LSM14A: variants seen among roughly 807,000 people sequenced by gnomAD.
LSM14A encodes the protein protein LSM14 homolog A.
Under a neutral mutation model 52.4 loss-of-function variants are expected in LSM14A, and 14 were observed. That is an observed-to-expected ratio of 0.27 (90% confidence interval 0.18 to 0.42). LSM14A has a LOEUF of 0.42. LSM14A is among the 10% of genes least tolerant of loss of function. The pLI, the probability that LSM14A is intolerant of heterozygous loss-of-function variation, is 1.00. For missense variants in LSM14A, 417 were observed against 581.8 expected, an observed-to-expected ratio of 0.72 and a Z score of 2.91; for synonymous variants, 185 against 200.3, an observed-to-expected ratio of 0.92 and a Z score of 0.64.
chr19:34,215,704 A>C (rs2072530423), intron 6 of LSM14A, 43 bp downstream of exon 6: 1 of 1,318,382 alleles, frequency 7.6e-7, no homozygotes, highest in African/African-American at 1.5e-5. Flanking sequence ...GCTTCTCAAC[A>C]GGGAGAATAT....
intron 4 of LSM14A, 106 bp downstream of exon 4, chr19:34,209,157 C>T (rs2071941219): frequency 5.3e-6 from 5 of 951,726 alleles, no homozygotes; most frequent in Non-Finnish European, 7.5e-6. Flanking sequence ...TGTATAATTT[C>T]TATTTGGCTC....
intron 6 of LSM14A, among the ~76,000 whole-genome samples, chr19:34,217,614 C>T (rs1449365616): frequency 2.2e-5 from 1 of 45,762 alleles, no homozygotes; most frequent in Non-Finnish European, 4.3e-5. Flanking sequence ...ATCCCCCCCC[C>T]CCGTGTTTTT....
intron 1 of LSM14A, among the ~76,000 whole-genome samples, chr19:34,180,673 T>C (rs2069414347): frequency 6.6e-6 from 1 of 152,144 alleles, no homozygotes; most frequent in Non-Finnish European, 1.5e-5. Flanking sequence ...CCCTCATAAC[T>C]TTACTTCCTT....
At chr19:34,201,428 C>T (rs1408189227) in intron 3 of LSM14A, among the ~76,000 whole-genome samples, 1 of 152,192 alleles carries the variant, frequency 6.6e-6, no homozygotes, top group Non-Finnish European at 1.5e-5. Flanking sequence ...CTGCAGCCCC[C>T]TCCTCCCGGG....
Position 34,219,374 on chromosome 19 carries a change from A to T in LSM14A, c.782-17A>T, listed in dbSNP as rs1333230842. 6.3e-7 allele frequency: 1 copy of T among 1,585,630 alleles called. No homozygotes were observed. Among genetic ancestry groups the T allele is most frequent in the Non-Finnish European group, 8.6e-7 (1 of 1,164,010 alleles). ...TACATATTGAATGTCCTTTGTATAT[A>T]TTCTTTATTATCATAGCTCCAGGTG... On this transcript the variant is annotated splice_polypyrimidine_tract_variant and intron_variant, in intron 6 of 9. Coordinates refer to ENST00000544216, the MANE Select transcript of LSM14A (RefSeq NM_015578.4).
chr19:34,201,088 A>G (rs1469048332), intron 3 of LSM14A, among the ~76,000 whole-genome samples: 1 of 152,150 alleles, frequency 6.6e-6, no homozygotes, highest in Non-Finnish European at 1.5e-5. Context: ...ATTTTAATCT[A>G]ATTTTAATAT....
chr19:34,187,102 G>A (rs2069968503), intron 1 of LSM14A, among the ~76,000 whole-genome samples: 1 of 151,406 alleles, frequency 6.6e-6, no homozygotes, highest in South Asian at 2.1e-4. Context: ...ACAAACATTA[G>A]CCTGGGCGTA....
At chr19:34,218,272 G>T (rs1004550101) in intron 6 of LSM14A, among the ~76,000 whole-genome samples, 6 of 152,132 alleles carry the variant, frequency 3.9e-5, no homozygotes, top group African/African-American at 1.4e-4. Flanking sequence ...CCAAAGTGCT[G>T]GGGTTACAGG....
At chr19:34,193,467 T>C (rs527780550) in intron 1 of LSM14A, among the ~76,000 whole-genome samples, 1 of 152,294 alleles carries the variant, frequency 6.6e-6, no homozygotes, top group South Asian at 2.1e-4. Context: ...AGCCAGAAAT[T>C]GGCTTAAAAT....
chr19:34,188,413 T>C (rs891819657), intron 1 of LSM14A, among the ~76,000 whole-genome samples: 1 of 152,260 alleles, frequency 6.6e-6, no homozygotes. Context: ...CTGTATTCTC[T>C]TGTAGGCTGT....
chr19:34,202,312 AG>A (rs1330821840), intron 3 of LSM14A, among the ~76,000 whole-genome samples: 2 of 150,400 alleles, frequency 1.3e-5, no homozygotes, highest in Admixed American at 1.3e-4. Context: ...TGGGCAACAT[AG>A]CTAAACCCTG....
chr19:34,185,683 G>T (rs1161143096), intron 1 of LSM14A, among the ~76,000 whole-genome samples: 1 of 152,148 alleles, frequency 6.6e-6, no homozygotes, highest in African/African-American at 2.4e-5. Context: ...CTTCCTTGTT[G>T]TATTAAATCC....
intron 3 of LSM14A, among the ~76,000 whole-genome samples, chr19:34,206,643 C>T (rs567961982): frequency 6.6e-6 from 1 of 152,234 alleles, no homozygotes; most frequent in South Asian, 2.1e-4. Flanking sequence ...CCACTGCACT[C>T]CAGCCTGACG....
intron 1 of LSM14A, among the ~76,000 whole-genome samples, chr19:34,188,614 A>C (rs543362649): frequency 1.1e-4 from 17 of 152,086 alleles, no homozygotes; most frequent in Non-Finnish European, 2.1e-4. Context: ...ATCCCTCTTC[A>C]TTTCCCCCAT....
chr19:34,212,877 C>G (rs1034794414), intron 4 of LSM14A, among the ~76,000 whole-genome samples: 4 of 152,076 alleles, frequency 2.6e-5, no homozygotes, highest in African/African-American at 9.7e-5. Flanking sequence ...ACTTGTGAGC[C>G]ATAGGATCTT....
intron 1 of LSM14A, among the ~76,000 whole-genome samples, chr19:34,173,643 C>T (rs188011341): frequency 1.3e-5 from 2 of 152,286 alleles, no homozygotes; most frequent in East Asian, 3.9e-4. Flanking sequence ...AGGGCCTTTG[C>T]TCCGCCAGGA....
chr19:34,187,607 G>A (rs981076641), intron 1 of LSM14A, among the ~76,000 whole-genome samples: 1 of 152,054 alleles, frequency 6.6e-6, no homozygotes, highest in Non-Finnish European at 1.5e-5. Flanking sequence ...TGTTAATAGT[G>A]TCATTTGGAG....
Position 34,226,123 on chromosome 19 carries a change from C to T in LSM14A, c.1369-1242C>T, listed in dbSNP as rs531677303. On this transcript the variant is annotated intron_variant, in intron 9 of 9. Coordinates refer to ENST00000544216, the MANE Select transcript of LSM14A (RefSeq NM_015578.4). ...GTAAGTTTGGTTGTATGGTGTTTTC[C>T]CCCTCCCACCGCCCATTCTTTTTTG... Among the ~76,000 whole-genome samples the T allele has an allele frequency of 8.6e-5, 13 of 151,872 alleles. No individual in the cohort carries two copies. The East Asian group carries it at 2.5e-3, about 29-fold the overall frequency.
intron 6 of LSM14A, among the ~76,000 whole-genome samples, chr19:34,217,641 T>C (rs935933019): frequency 6.1e-5 from 8 of 131,424 alleles, no homozygotes; most frequent in Non-Finnish European, 1.3e-4. Context: ...TTTTTTTTTT[T>C]TTTTGAGACA....
Sources: allele counts gnomAD v4.1 joint callset (sites outside exome capture counted in the v4.1 genomes callset), GRCh38; gene constraint gnomAD v4.1.1; transcripts MANE v1.5; gene names NCBI Gene and HGNC (gene_info 2026-07-23, HGNC 2026-07-21).